DAB1: variants seen among roughly 807,000 people sequenced by gnomAD.
The protein encoded by DAB1 is DAB adaptor protein 1.
In DAB1, 15 loss-of-function variants were observed where a neutral mutation model predicts 64.6. That is an observed-to-expected ratio of 0.23 (90% CI 0.16 to 0.36). The LOEUF (loss-of-function observed/expected upper bound fraction) is 0.36, where lower values mean the gene tolerates loss of function less well. Ranked by LOEUF, DAB1 falls within the 10% of genes least tolerant of loss-of-function variation. The pLI, the probability that DAB1 is intolerant of heterozygous loss-of-function variation, is 1.00. For synonymous variants in DAB1, 235 were observed against 251.9 expected (o/e 0.93, Z 0.64); for missense variants, 596 against 706.7 (o/e 0.84, Z 1.78).
At chr1:57,731,370 G>T (rs556676368) in intron 6 of DAB1, among the ~76,000 whole-genome samples, 1 of 152,186 alleles carries the variant, frequency 6.6e-6, no homozygotes, top group South Asian at 2.1e-4. Context: ...AGTTAGGGAA[G>T]ATGAAAAATG....
At chr1:57,288,741 T>A (rs1570172987) in intron 2 of DAB1, among the ~76,000 whole-genome samples, 2 of 140,954 alleles carry the variant, frequency 1.4e-5, no homozygotes, top group African/African-American at 5.3e-5. Flanking sequence ...GAGAAAAGAG[T>A]GGAGAGGAGG....
chr1:57,190,839 A>G, intron 2 of DAB1, among the ~76,000 whole-genome samples: 1 of 152,190 alleles, frequency 6.6e-6, no homozygotes, highest in East Asian at 1.9e-4. Context: ...GAGGGGCTCC[A>G]GTAATTTAAT....
At chr1:58,176,297 A>G (rs1656471421) in intron 4 of DAB1, among the ~76,000 whole-genome samples, 1 of 152,228 alleles carries the variant, frequency 6.6e-6, no homozygotes, top group South Asian at 2.1e-4. Context: ...ATTTAAGACA[A>G]TATTCACTAT....
intron 2 of DAB1, among the ~76,000 whole-genome samples, chr1:57,193,405 G>A (rs76384850): frequency 0.039 from 431 of 11,068 alleles, 3 homozygotes; most frequent in Non-Finnish European, 0.064. Context: ...TTTTTTTTTT[G>A]AGACAGAGTC....
intron 7 of DAB1, among the ~76,000 whole-genome samples, chr1:57,502,260 T>C (rs1433384760): frequency 2.9e-5 from 4 of 138,632 alleles, no homozygotes; most frequent in African/African-American, 5.3e-5. Context: ...GCGGAGCTTG[T>C]AGTGAGCCGA....
intron 3 of DAB1, among the ~76,000 whole-genome samples, chr1:58,371,929 T>G (rs1309779468): frequency 6.6e-6 from 1 of 152,178 alleles, no homozygotes; most frequent in Non-Finnish European, 1.5e-5. Context: ...TGCCAAAATG[T>G]CCAGGCAGAA....
intron 1 of DAB1, chr1:57,386,569 G>A (rs1681876612): frequency 6.6e-6 from 1 of 152,120 alleles, no homozygotes; most frequent in East Asian, 1.9e-4. Flanking sequence ...GGACCCTAGA[G>A]ATCAAATGGA....
intron 5 of DAB1, among the ~76,000 whole-genome samples, chr1:58,042,718 T>A (rs1440385992): frequency 6.6e-6 from 1 of 152,222 alleles, no homozygotes; most frequent in East Asian, 1.9e-4. Flanking sequence ...GCATAGTCAG[T>A]ACTTCAACAC....
chr1:57,333,025 C>A (rs980178551), intron 1 of DAB1, among the ~76,000 whole-genome samples: 1 of 152,170 alleles, frequency 6.6e-6, no homozygotes, highest in Non-Finnish European at 1.5e-5. Context: ...TCCCGTAGAT[C>A]CTAGGGGTAA....
intron 3 of DAB1, among the ~76,000 whole-genome samples, chr1:58,448,718 T>C (rs1023740059): frequency 6.6e-6 from 1 of 152,184 alleles, no homozygotes; most frequent in Non-Finnish European, 1.5e-5. Context: ...AGGGATCCCA[T>C]TAATGTCTCA....
chr1:58,544,354 T>G (rs1646668804), intron 1 of DAB1, among the ~76,000 whole-genome samples: 1 of 152,048 alleles, frequency 6.6e-6, no homozygotes, highest in Non-Finnish European at 1.5e-5. Flanking sequence ...CAAAACAGAT[T>G]TTAAAAAACC....
chr1:57,080,834 C>G (rs934899539), intron 4 of DAB1, among the ~76,000 whole-genome samples: 1 of 151,990 alleles, frequency 6.6e-6, no homozygotes, highest in African/African-American at 2.4e-5. Context: ...CAACTAAAAT[C>G]TATGTCCTGT....
intron 5 of DAB1, among the ~76,000 whole-genome samples, chr1:58,033,087 A>G (rs1557618518): frequency 6.6e-6 from 1 of 152,104 alleles, no homozygotes; most frequent in Admixed American, 6.5e-5. Flanking sequence ...ACCCTTCTCC[A>G]TTCTGCCCTG....
chr1:58,245,199 C>T (rs1056696478), intron 4 of DAB1, among the ~76,000 whole-genome samples: 1 of 152,134 alleles, frequency 6.6e-6, no homozygotes, highest in Non-Finnish European at 1.5e-5. Flanking sequence ...TCAGCAAACC[C>T]CCCGCCGCCT....
chr1:57,996,939 T>C (rs554091048), intron 5 of DAB1, among the ~76,000 whole-genome samples: 1 of 152,096 alleles, frequency 6.6e-6, no homozygotes. Context: ...TAGTTAGGCA[T>C]GAGCAGAGCA....
intron 1 of DAB1, chr1:57,867,283 T>C (rs966574549): frequency 6.6e-6 from 1 of 152,106 alleles, no homozygotes; most frequent in African/African-American, 2.4e-5. Flanking sequence ...CTTAGGGAAA[T>C]ATGGGTCTCC....
chr1:57,691,225 T>G (rs954859343), intron 6 of DAB1, among the ~76,000 whole-genome samples: 24 of 152,130 alleles, frequency 1.6e-4, no homozygotes, highest in African/African-American at 5.8e-4. Context: ...CAACCAGCAC[T>G]CTGTAAAAAT....
chr1:57,413,844 T>G (rs1684302331), intron 1 of DAB1, among the ~76,000 whole-genome samples: 1 of 151,854 alleles, frequency 6.6e-6, no homozygotes, highest in Admixed American at 6.6e-5. Context: ...AATAGGAGTT[T>G]GGAAGAAGTT....
chr1:58,050,771 C>T (rs1046018823), intron 5 of DAB1, among the ~76,000 whole-genome samples: 2 of 152,110 alleles, frequency 1.3e-5, no homozygotes, highest in African/African-American at 4.8e-5. Flanking sequence ...TCTCGTGATC[C>T]GCCCGCCTCG....
Sources: gnomAD v4.1 joint callset for allele counts (sites outside exome capture counted in the v4.1 genomes callset) on GRCh38, gnomAD v4.1.1 for gene constraint, MANE v1.5 for transcripts, NCBI Gene and HGNC (gene_info 2026-07-23, HGNC 2026-07-21) for gene names.